The following PTPN9 variants were observed in gnomAD, a reference collection of about 807,000 sequenced individuals.
PTPN9 encodes protein tyrosine phosphatase non-receptor type 9.
A neutral mutation model predicts 69.8 loss-of-function variants in PTPN9; 26 were observed. That is an observed-to-expected ratio of 0.37 (90% CI 0.27 to 0.52). The LOEUF is 0.52. Ranked by LOEUF, PTPN9 falls within the 20% of genes least tolerant of loss-of-function variation. The pLI is 0.91. For synonymous variants in PTPN9, 274 were observed against 272.5 expected, an observed-to-expected ratio of 1.01 and a Z score of -0.05; for missense variants, 549 against 740.3, an observed-to-expected ratio of 0.74 and a Z score of 3.00.
intron 7 of PTPN9, among the ~76,000 whole-genome samples, chr15:75,494,966 G>C (rs1301621959): frequency 1.3e-5 from 2 of 152,082 alleles, no homozygotes; most frequent in Non-Finnish European, 2.9e-5. Context: ...GGAGGTTGCG[G>C]TGAGCTGAGA....
At chr15:75,471,739 A>AC (rs2074567057) in intron 10 of PTPN9, among the ~76,000 whole-genome samples, 1 of 151,060 alleles carries the variant, frequency 6.6e-6, no homozygotes, top group Non-Finnish European at 1.5e-5. Context: ...ACACGGTGAA[A>AC]CCCCATCTCT....
intron 1 of PTPN9, among the ~76,000 whole-genome samples, chr15:75,560,056 C>T (rs1339673698): frequency 1.3e-5 from 2 of 151,388 alleles, no homozygotes; most frequent in East Asian, 1.9e-4. Context: ...AGGAGAATTG[C>T]TTGAATCTGG....
chr15:75,505,624 T>C, intron 7 of PTPN9, 51 bp downstream of exon 7: 1 of 1,462,368 alleles, frequency 6.8e-7, no homozygotes, highest in South Asian at 1.2e-5. Context: ...TGCCAGAGCC[T>C]ACCAGAAGCA....
chr15:75,541,275 T>C lies in PTPN9; in HGVS notation c.64-14014A>G, dbSNP rs907890911. Among the ~76,000 whole-genome samples, 4 of 149,616 alleles carry C rather than the reference T, an allele frequency of 2.7e-5. No individual in the cohort carries two copies. The East Asian group carries it at 6.1e-4, about 23-fold the overall frequency. On this transcript the variant is annotated intron_variant, in intron 1 of 12. Transcript: ENST00000618819. ...GCTACTTTTTTAATTTTTGTAGAGA[T>C]AGGGTCTCACCAGCCGAGACTGGTG...
intron 8 of PTPN9, chr15:75,480,627 G>A (rs1041892392): frequency 8.0e-5 from 95 of 1,185,460 alleles, no homozygotes; most frequent in South Asian, 1.1e-4. Flanking sequence ...CGGGACAGTC[G>A]CGGCGCTGAC....
At chr15:75,498,127 G>A (rs1212625237) in intron 7 of PTPN9, among the ~76,000 whole-genome samples, 3 of 151,736 alleles carry the variant, frequency 2.0e-5, no homozygotes, top group Non-Finnish European at 4.4e-5. Context: ...CCCATGAGGC[G>A]GAGGTTGCAG....
rs920524823 is a variant in PTPN9, at chr15:75,527,508, A to G, written c.64-247T>C. On this transcript the variant is annotated intron_variant, in intron 1 of 12. Coordinates refer to ENST00000618819, the MANE Select transcript of PTPN9 (RefSeq NM_002833.4). Reference sequence around the variant, plus strand: ...AAAACAGGACTTAGTGCAGGTATGCATGAAAAAATGAGGGGGGAGAAGAGG... The same window carrying G: ...AAAACAGGACTTAGTGCAGGTATGCGTGAAAAAATGAGGGGGGAGAAGAGG... Among the ~76,000 whole-genome samples, 6 of 152,306 alleles carry G rather than the reference A, an allele frequency of 3.9e-5. No homozygotes were observed. The South Asian group carries it at 8.3e-4, about 21-fold the overall frequency.
At chr15:75,500,344 T>C (rs1018687335) in intron 7 of PTPN9, among the ~76,000 whole-genome samples, 31 of 142,552 alleles carry the variant, frequency 2.2e-4, no homozygotes, top group South Asian at 6.9e-4. Context: ...CAAACATACA[T>C]ACACACACAC....
At chr15:75,560,844 C>T (rs776260380) in intron 1 of PTPN9, among the ~76,000 whole-genome samples, 7 of 151,890 alleles carry the variant, frequency 4.6e-5, no homozygotes, top group Non-Finnish European at 7.4e-5. Flanking sequence ...CATGGTGAAA[C>T]GCCGTCTCTA....
rs1443533709 is a variant in PTPN9 at position 75,465,959 on chromosome 15, G to A, written c.*2810C>T. On this transcript the variant is annotated 3_prime_UTR_variant, in exon 13 of 13. Transcript: ENST00000618819. ...ATCTCTGTTCACTTCTTATGTTTGT[G>A]CACTCCCAAGAGAATGGAGGCTCAT... is the stretch of plus-strand genomic sequence containing the variant. The A allele has an allele frequency of 1.3e-5, 2 of 152,148 alleles. No homozygotes were observed. Among genetic ancestry groups the A allele is most frequent in the Non-Finnish European group, 2.9e-5 (2 of 68,028 alleles). 9.4% of individuals were successfully genotyped at this position (152,148 alleles called of 1,614,324 possible). A position where few individuals can be genotyped will look rare whatever the true frequency, so the allele number is the denominator to read the frequency against.
chr15:75,555,677 G>A (rs1405049847), intron 1 of PTPN9, among the ~76,000 whole-genome samples: 1 of 151,868 alleles, frequency 6.6e-6, no homozygotes, highest in African/African-American at 2.4e-5. Flanking sequence ...GATAATTTAT[G>A]TATTTTTTGT....
chr15:75,505,911 G>A lies in PTPN9; in HGVS notation c.732C>T (p.Ala244=). The A allele has an allele frequency of 6.2e-7, 1 of 1,614,040 alleles. No homozygotes were observed. Among genetic ancestry groups the A allele is most frequent in the South Asian group, 1.1e-5 (1 of 91,076 alleles). ...NLGGYVKIDL[A]TWNFQFLPQV... The stretch of plus-strand genomic sequence containing the variant: ...GGGGTAGGAACTGGAAATTCCAAGT[G>A]GCGAGATCAATTTTGACGTACCCAC... The change falls in exon 7 of 13, where the codon GCC becomes GCT. Residue 244 remains alanine (A), a synonymous_variant. Coordinates refer to ENST00000618819, the MANE Select transcript of PTPN9 (RefSeq NM_002833.4).
At chr15:75,495,818 T>C (rs2074737716) in intron 7 of PTPN9, among the ~76,000 whole-genome samples, 1 of 151,854 alleles carries the variant, frequency 6.6e-6, no homozygotes. Context: ...GGTAATTAAC[T>C]CCAGAAGAAA....
intron 1 of PTPN9, among the ~76,000 whole-genome samples, chr15:75,537,807 C>T (rs1036270625): frequency 1.4e-5 from 2 of 144,418 alleles, no homozygotes; most frequent in African/African-American, 5.2e-5. Flanking sequence ...ACCTGTAATC[C>T]CAGCACTTTG....
At chr15:75,553,506 C>A (rs1462357721) in intron 1 of PTPN9, among the ~76,000 whole-genome samples, 1 of 152,162 alleles carries the variant, frequency 6.6e-6, no homozygotes, top group Non-Finnish European at 1.5e-5. Context: ...CTTGCCTCTT[C>A]TTCCTGGCTC....
chr15:75,477,482 C>T (rs567550201), intron 9 of PTPN9, among the ~76,000 whole-genome samples: 5 of 152,214 alleles, frequency 3.3e-5, no homozygotes, highest in African/African-American at 1.2e-4. Context: ...GTAATCCCAG[C>T]TACTTGGGAG....
At chr15:75,577,044 G>A (rs1292966122) in intron 1 of PTPN9, among the ~76,000 whole-genome samples, 6 of 152,108 alleles carry the variant, frequency 3.9e-5, no homozygotes, top group African/African-American at 1.4e-4. Flanking sequence ...ACATTTTGCC[G>A]TTTCCATCCT....
intron 7 of PTPN9, among the ~76,000 whole-genome samples, chr15:75,505,377 T>A (rs1466841904): frequency 6.7e-6 from 1 of 148,842 alleles, no homozygotes. Flanking sequence ...CACTTGTTTA[T>A]CTGCCAACCT....
In PTPN9 at chr15:75,567,257, A is replaced by T. The variant is rs572385592; in HGVS notation, c.63+11457T>A. On this transcript the variant is annotated intron_variant, in intron 1 of 12. Coordinates refer to ENST00000618819, the MANE Select transcript of PTPN9 (RefSeq NM_002833.4). ...GGTCTTGAACTCCTGACCTCAGGTG[A>T]TCCGACTGCCTTGGCCTCCCAAAGT... is the stretch of plus-strand genomic sequence containing the variant. Among the ~76,000 whole-genome samples the T allele has an allele frequency of 3.9e-5, 6 of 152,178 alleles. No homozygotes were observed. The East Asian group carries it at 1.2e-3, about 29-fold the overall frequency.
Sources: allele counts gnomAD v4.1 joint callset (sites outside exome capture counted in the v4.1 genomes callset), GRCh38; gene constraint gnomAD v4.1.1; transcripts MANE v1.5; gene names NCBI Gene and HGNC (gene_info 2026-07-23, HGNC 2026-07-21).